The following CCDC158 variants were observed in gnomAD, a reference collection of about 807,000 sequenced individuals.
CCDC158 encodes the protein coiled-coil domain-containing protein 158.
Under a neutral mutation model 138.6 loss-of-function variants are expected in CCDC158, and 116 were observed. The ratio of observed to expected loss-of-function variants is 0.84; its 90% confidence interval spans 0.72 to 0.98. The LOEUF (loss-of-function observed/expected upper bound fraction) is 0.98. Among genes scored for constraint, CCDC158 ranks in the 50% least tolerant of loss-of-function variants. The pLI is 0.00. For synonymous variants in CCDC158, 436 were observed against 442.4 expected (o/e 0.99, Z 0.18); for missense variants, 1,265 against 1,306.1 (o/e 0.97, Z 0.48).
intron 18 of CCDC158, among the ~76,000 whole-genome samples, chr4:76,346,553 T>A (rs1482968412): frequency 1.3e-5 from 2 of 151,888 alleles, no homozygotes; most frequent in Non-Finnish European, 2.9e-5. Flanking sequence ...CTACTAAAAA[T>A]ACAAAAAATA....
rs186770087 is a variant in CCDC158, at chr4:76,398,071, T to C, written c.71-1585A>G. Among the ~76,000 whole-genome samples the C allele has an allele frequency of 1.6e-3, 239 of 152,292 alleles. 2 individuals carry two copies. Among genetic ancestry groups the C allele is most frequent in the African/African-American group, 5.4e-3 (226 of 41,572 alleles). ...AAACAGTAGTGACAGCAATGCATCATAGCACTTTGAATTAAAAAAACAAAA... is the reference window on the plus strand; with the variant it reads ...AAACAGTAGTGACAGCAATGCATCACAGCACTTTGAATTAAAAAAACAAAA... On this transcript the variant is annotated intron_variant, in intron 3 of 24. Transcript: ENST00000682701.
intron 1 of CCDC158, among the ~76,000 whole-genome samples, chr4:76,416,808 G>A (rs1440327462): frequency 2.0e-5 from 3 of 152,246 alleles, no homozygotes; most frequent in African/African-American, 7.2e-5. Flanking sequence ...GGATGCCCAG[G>A]CAAAAGTTTG....
At chr4:76,323,219 G>T in intron 24 of CCDC158, 83 bp downstream of exon 24, 1 of 951,474 alleles carries the variant, frequency 1.1e-6, no homozygotes, top group Non-Finnish European at 1.6e-6. Flanking sequence ...CTTTCAGCAG[G>T]TCTATAGACA....
chr4:76,317,196 A>G (rs1719483830), intron 24 of CCDC158, among the ~76,000 whole-genome samples: 1 of 152,192 alleles, frequency 6.6e-6, no homozygotes, highest in African/African-American at 2.4e-5. Flanking sequence ...GGCAGAAAGG[A>G]TAAAAATCTA....
intron 18 of CCDC158, among the ~76,000 whole-genome samples, chr4:76,339,648 T>C (rs1721868201): frequency 1.3e-5 from 2 of 152,246 alleles, no homozygotes; most frequent in African/African-American, 4.8e-5. Context: ...TCAGGGAAAC[T>C]GGTCATTTTG....
At chr4:76,315,894 G>C (rs1193116313) in intron 24 of CCDC158, among the ~76,000 whole-genome samples, 1 of 152,188 alleles carries the variant, frequency 6.6e-6, no homozygotes, top group Non-Finnish European at 1.5e-5. Flanking sequence ...CCAGCTCTCA[G>C]GAAGGCCCAT....
chr4:76,363,213 G>T (rs997226307), intron 12 of CCDC158, among the ~76,000 whole-genome samples: 2 of 152,128 alleles, frequency 1.3e-5, no homozygotes, highest in African/African-American at 2.4e-5. Flanking sequence ...AAAAACCCGG[G>T]CACTGAGGCT....
chr4:76,320,817 T>C (rs577405023), intron 24 of CCDC158, among the ~76,000 whole-genome samples: 86 of 152,234 alleles, frequency 5.6e-4, no homozygotes, highest in South Asian at 2.5e-3. Flanking sequence ...TTCTAGAAGA[T>C]AACATCAGAA....
intron 18 of CCDC158, among the ~76,000 whole-genome samples, chr4:76,334,440 T>A (rs1309101748): frequency 6.6e-6 from 1 of 152,210 alleles, no homozygotes; most frequent in Non-Finnish European, 1.5e-5. Flanking sequence ...GTTTTAAAAT[T>A]TTAACAATGT....
chr4:76,361,548 T>C (rs1213804467), intron 13 of CCDC158, among the ~76,000 whole-genome samples: 1 of 152,032 alleles, frequency 6.6e-6, no homozygotes, highest in Non-Finnish European at 1.5e-5. Context: ...GTGGACAGAG[T>C]GAGACTCTGT....
At chr4:76,330,866 A>G (rs1720945006) in intron 21 of CCDC158, among the ~76,000 whole-genome samples, 1 of 152,200 alleles carries the variant, frequency 6.6e-6, no homozygotes. Flanking sequence ...CCAAGGGACA[A>G]CTGTGTTTAG....
chr4:76,420,951 C>T lies in CCDC158; in HGVS notation c.-117+14G>A, dbSNP rs1370569306. ...CCCACCATCCTCGTCTCCCGGGCCG[C>T]GCCCCGCTTGTACCTGCAACCAACA... On this transcript the variant is annotated intron_variant, in intron 1 of 24. Coordinates refer to ENST00000682701, the MANE Select transcript of CCDC158 (RefSeq NM_001394954.1). Among the ~76,000 whole-genome samples, 1 of 152,148 alleles carries T rather than the reference C, an allele frequency of 6.6e-6. No individual in the cohort carries two copies. The highest frequency in any genetic ancestry group is 1.5e-5 in the Non-Finnish European group (1 of 68,004).
At chr4:76,323,038 C>T (rs1172276356) in intron 24 of CCDC158, among the ~76,000 whole-genome samples, 1 of 152,144 alleles carries the variant, frequency 6.6e-6, no homozygotes, top group Non-Finnish European at 1.5e-5. Context: ...CCACTCAGAA[C>T]CTCAAAACCA....
intron 18 of CCDC158, chr4:76,344,998 C>G (rs1479070856): frequency 7.0e-7 from 1 of 1,430,560 alleles, no homozygotes; most frequent in Non-Finnish European, 9.9e-7. Flanking sequence ...TAGATGACTT[C>G]TTTGAGCAAG....
chr4:76,392,879 C>G (rs1338128897), intron 4 of CCDC158, among the ~76,000 whole-genome samples: 1 of 151,724 alleles, frequency 6.6e-6, no homozygotes, highest in East Asian at 1.9e-4. Context: ...AAAAAGTAAT[C>G]CCATTACAAG....
intron 1 of CCDC158, among the ~76,000 whole-genome samples, chr4:76,415,864 C>T (rs1054510195): frequency 3.3e-5 from 5 of 152,134 alleles, no homozygotes; most frequent in Admixed American, 6.5e-5. Context: ...AAAATACCCG[C>T]TACTTAGCAG....
intron 13 of CCDC158, among the ~76,000 whole-genome samples, chr4:76,360,120 C>T (rs1723986412): frequency 6.6e-6 from 1 of 152,250 alleles, no homozygotes; most frequent in Non-Finnish European, 1.5e-5. Flanking sequence ...CAGGCTGTTG[C>T]TTCAGAGTGC....
chr4:76,346,837 AAAAC>A (rs1384894068), intron 18 of CCDC158, among the ~76,000 whole-genome samples: 1 of 152,240 alleles, frequency 6.6e-6, no homozygotes, highest in Non-Finnish European at 1.5e-5. Context: ...TTACAAGAAA[AAAAC>A]AAACAATTCC....
chr4:76,317,569 GTCA>G (rs773020049), intron 24 of CCDC158, among the ~76,000 whole-genome samples: 2 of 151,972 alleles, frequency 1.3e-5, no homozygotes, highest in East Asian at 3.9e-4. Context: ...CACTAGACAG[GTCA>G]TCAAGACAGA....
Sources: gnomAD v4.1 joint callset for allele counts (sites outside exome capture counted in the v4.1 genomes callset) on GRCh38, gnomAD v4.1.1 for gene constraint, MANE v1.5 for transcripts, NCBI Gene and HGNC (gene_info 2026-07-23, HGNC 2026-07-21) for gene names.